The following SGPP2 variants were observed in gnomAD, a reference collection of about 807,000 sequenced individuals.
SGPP2 encodes sphingosine-1-phosphate phosphatase 2.
Under a neutral mutation model 33.9 loss-of-function variants are expected in SGPP2, and 30 were observed. The observed-to-expected ratio is 0.89, with a 90% CI of 0.66 to 1.20. The LOEUF (loss-of-function observed/expected upper bound fraction) is 1.20, where lower values mean the gene tolerates loss of function less well. Among genes scored for constraint, SGPP2 ranks in the 50% most tolerant of loss-of-function variants. The pLI is 0.00. For synonymous variants in SGPP2, 233 were observed against 225.0 expected (o/e 1.04, Z -0.32); for missense variants, 458 against 532.1 (o/e 0.86, Z 1.37).
chr2:222,534,117 A>C (rs1418228854), intron 4 of SGPP2, among the ~76,000 whole-genome samples: 1 of 152,196 alleles, frequency 6.6e-6, no homozygotes, highest in East Asian at 1.9e-4. Context: ...CTACTCTTTC[A>C]AAGTCTCAAA....
intron 4 of SGPP2, among the ~76,000 whole-genome samples, chr2:222,537,159 A>G (rs1698928556): frequency 6.6e-6 from 1 of 152,232 alleles, no homozygotes; most frequent in Non-Finnish European, 1.5e-5. Context: ...TTCCAAAACC[A>G]TTTGGAAAAA....
intron 3 of SGPP2, 97 bp downstream of exon 3, chr2:222,522,043 A>C (rs1338904024): frequency 9.0e-7 from 1 of 1,117,092 alleles, no homozygotes; most frequent in African/African-American, 1.6e-5. Flanking sequence ...GAGGGACCTT[A>C]AGGTTTATGA....
intron 2 of SGPP2, among the ~76,000 whole-genome samples, chr2:222,501,762 CT>C (rs1476844489): frequency 2.6e-5 from 4 of 152,172 alleles, no homozygotes; most frequent in African/African-American, 9.7e-5. Flanking sequence ...CTGAATCTCA[CT>C]TTAATATCTA....
At position 222,550,714 on chromosome 2, in the gene SGPP2, G is replaced by C. The variant is rs137941162; in HGVS notation, c.649-7633G>C. 2.0e-5 allele frequency among the ~76,000 whole-genome samples: 3 copies of C among 152,270 alleles called. No homozygotes were observed. The highest frequency in any genetic ancestry group is 7.2e-5 in the African/African-American group (3 of 41,570). ...TTGGTGTAAGCAGCATAATATGCTT[G>C]ATTTATTGTTCTAGAGTCTTTCTTA... is the stretch of plus-strand genomic sequence containing the variant. On this transcript the variant is annotated intron_variant, in intron 4 of 4. Transcript: ENST00000321276. This position sits in a 1 kb window ranked among gnomAD's most constrained non-coding sequence, Gnocchi z 4.5.
intron 1 of SGPP2, among the ~76,000 whole-genome samples, chr2:222,467,965 A>AAAAAACAAAAAC (rs1697774133): frequency 8.3e-6 from 1 of 121,042 alleles, no homozygotes; most frequent in African/African-American, 5.0e-5. Context: ...AAAAAAAAAA[A>AAAAAACAAAAAC]AAAAAAAAAA....
chr2:222,447,559 G>T (rs1289907882), intron 1 of SGPP2, among the ~76,000 whole-genome samples: 6 of 152,172 alleles, frequency 3.9e-5, no homozygotes, highest in Admixed American at 3.9e-4. Context: ...AAATTAGAGT[G>T]ATTGTTGCAG....
chr2:222,487,081 A>C (rs1698122693), intron 2 of SGPP2, among the ~76,000 whole-genome samples: 1 of 152,192 alleles, frequency 6.6e-6, no homozygotes, highest in Non-Finnish European at 1.5e-5. Context: ...ACGATTAGAA[A>C]TGACTTATAA....
At position 222,486,276 on chromosome 2, in the gene SGPP2, C is replaced by T. The variant is rs117479370; in HGVS notation, c.378+11550C>T. On this transcript the variant is annotated intron_variant, in intron 2 of 4. Transcript: ENST00000321276. ...CCTCTCTCTGGACATCTGCCCTCCCCCAGCATTCCTGACCATCTCCTGGTG... is the reference window on the plus strand; with the variant it reads ...CCTCTCTCTGGACATCTGCCCTCCCTCAGCATTCCTGACCATCTCCTGGTG... Among the ~76,000 whole-genome samples, 497 of 152,286 alleles carry T rather than the reference C, an allele frequency of 3.3e-3. 7 individuals are homozygous for T. Among genetic ancestry groups the T allele is most frequent in the South Asian group, 0.029 (140 of 4,824 alleles).
chr2:222,538,354 A>G (rs2106146523), intron 4 of SGPP2, among the ~76,000 whole-genome samples: 1 of 152,354 alleles, frequency 6.6e-6, no homozygotes, highest in Admixed American at 6.5e-5. Context: ...GGAGAGGAAG[A>G]GAGACAGAGA....
intron 1 of SGPP2, among the ~76,000 whole-genome samples, chr2:222,472,533 A>C (rs534019812): frequency 1.3e-5 from 2 of 152,208 alleles, no homozygotes; most frequent in African/African-American, 4.8e-5. Context: ...GATGATACAG[A>C]TATAGGAGCA....
chr2:222,522,855 AT>A (rs529471322), intron 3 of SGPP2, among the ~76,000 whole-genome samples: 5 of 151,796 alleles, frequency 3.3e-5, no homozygotes, highest in Non-Finnish European at 2.9e-5. Context: ...ATTAAAAAAA[AT>A]TTTTTTTCTA....
At chr2:222,537,594 A>G (rs1334314633) in intron 4 of SGPP2, among the ~76,000 whole-genome samples, 1 of 152,254 alleles carries the variant, frequency 6.6e-6, no homozygotes, top group East Asian at 1.9e-4. Flanking sequence ...ATGAGGGGCT[A>G]TGAGTAAAGG....
chr2:222,493,938 C>A (rs530267526), intron 2 of SGPP2, among the ~76,000 whole-genome samples: 1 of 152,306 alleles, frequency 6.6e-6, no homozygotes, highest in Admixed American at 6.5e-5. Context: ...AGAGAATAGC[C>A]ATAAAGGCCA....
Position 222,495,333 on chromosome 2 carries a change from G to A in SGPP2, c.378+20607G>A, listed in dbSNP as rs1304405879. ...GGAGACTGAGGTGGGAGGATTACCT[G>A]AGCTCAGGAGGTTGAGGCTGCAGTG... On this transcript the variant is annotated intron_variant, in intron 2 of 4. Coordinates refer to ENST00000321276, the MANE Select transcript of SGPP2 (RefSeq NM_152386.4). 5.9e-5 allele frequency among the ~76,000 whole-genome samples: 9 copies of A among 152,186 alleles called. No individual in the cohort carries two copies. In the East Asian group the frequency reaches 1.5e-3, roughly 26 times the overall value.
At chr2:222,519,977 T>A (rs576798431) in intron 2 of SGPP2, among the ~76,000 whole-genome samples, 1 of 152,366 alleles carries the variant, frequency 6.6e-6, no homozygotes, top group Admixed American at 6.5e-5. Context: ...AATGAACAGA[T>A]GAGCATATGT....
intron 4 of SGPP2, among the ~76,000 whole-genome samples, chr2:222,525,450 G>A (rs1314036694): frequency 1.3e-5 from 2 of 152,172 alleles, no homozygotes; most frequent in South Asian, 2.1e-4. Context: ...TGCAAGGTAA[G>A]GGTCCCACCA....
chr2:222,470,116 G>C (rs868154927), intron 1 of SGPP2, among the ~76,000 whole-genome samples: 2 of 152,066 alleles, frequency 1.3e-5, no homozygotes, highest in Non-Finnish European at 2.9e-5. Flanking sequence ...GCCTGTCAGC[G>C]GGGTGGGGGG....
At chr2:222,427,999 G>A (rs1370172484) in intron 1 of SGPP2, among the ~76,000 whole-genome samples, 2 of 152,170 alleles carry the variant, frequency 1.3e-5, no homozygotes, top group East Asian at 3.9e-4. Context: ...GAAGGGTTAA[G>A]AGATTTATTG....
intron 4 of SGPP2, among the ~76,000 whole-genome samples, chr2:222,549,410 G>A (rs1391208176): frequency 6.6e-6 from 1 of 152,176 alleles, no homozygotes; most frequent in East Asian, 1.9e-4. Flanking sequence ...CAGGTTTAGG[G>A]TCTGCTGTTG....
Sources: allele counts gnomAD v4.1 joint callset (sites outside exome capture counted in the v4.1 genomes callset), GRCh38; gene constraint gnomAD v4.1.1; non-coding constraint Gnocchi (gnomAD v3.1); transcripts MANE v1.5; gene names NCBI Gene and HGNC (gene_info 2026-07-23, HGNC 2026-07-21).